PIBF1: variants seen among roughly 807,000 people sequenced by gnomAD.
PIBF1 encodes progesterone immunomodulatory binding factor 1, also known as progesterone-induced-blocking factor 1.
PIBF1 carries 90 observed loss-of-function variants against 112.5 expected under a neutral mutation model. The observed-to-expected ratio is 0.80, with a 90% CI of 0.67 to 0.95. The LOEUF (loss-of-function observed/expected upper bound fraction) is 0.95, where lower values mean the gene tolerates loss of function less well. Ranked by LOEUF, PIBF1 falls within the 40% of genes least tolerant of loss-of-function variation. The pLI is 0.00. For synonymous variants in PIBF1, 301 were observed against 288.6 expected, an observed-to-expected ratio of 1.04 and a Z score of -0.44; for missense variants, 915 against 852.3, an observed-to-expected ratio of 1.07 and a Z score of -0.92.
intron 14 of PIBF1, among the ~76,000 whole-genome samples, chr13:72,950,102 T>A (rs775193640): frequency 4.9e-4 from 74 of 152,224 alleles, no homozygotes; most frequent in Non-Finnish European, 1.0e-3. Flanking sequence ...TATCCCCATA[T>A]TTTTGTCCTG....
At chr13:72,947,736 G>A (rs933346730) in intron 14 of PIBF1, among the ~76,000 whole-genome samples, 2 of 152,034 alleles carry the variant, frequency 1.3e-5, no homozygotes, top group African/African-American at 2.4e-5. Context: ...CCATCATTGG[G>A]TATATACCCA....
intron 17 of PIBF1, among the ~76,000 whole-genome samples, chr13:73,014,573 A>T (rs2139071120): frequency 6.6e-6 from 1 of 152,332 alleles, no homozygotes; most frequent in Non-Finnish European, 1.5e-5. Context: ...ACCTAGGGTG[A>T]TAATATGTCA....
At chr13:72,985,664 T>G (rs2043265841) in intron 16 of PIBF1, among the ~76,000 whole-genome samples, 1 of 152,218 alleles carries the variant, frequency 6.6e-6, no homozygotes. Flanking sequence ...GTTGTAAACT[T>G]AAGTCACTGA....
At chr13:73,014,295 A>G (rs145586083) in intron 17 of PIBF1, among the ~76,000 whole-genome samples, 9 of 152,268 alleles carry the variant, frequency 5.9e-5, no homozygotes, top group African/African-American at 2.2e-4. Flanking sequence ...TTCATTAGAT[A>G]GAAGCAGAGA....
At chr13:72,853,989 C>A in intron 9 of PIBF1, 68 bp from the exon 10 acceptor site, 1 of 1,168,220 alleles carries the variant, frequency 8.6e-7, no homozygotes, top group Non-Finnish European at 1.3e-6. Flanking sequence ...GTCAGATAGT[C>A]CATCTTTAAG....
chr13:72,903,845 T>G (rs1471499833), intron 11 of PIBF1, among the ~76,000 whole-genome samples: 8 of 152,186 alleles, frequency 5.3e-5, no homozygotes, highest in Non-Finnish European at 8.8e-5. Flanking sequence ...GACCTAAGAT[T>G]TGAACCCAGT....
intron 10 of PIBF1, among the ~76,000 whole-genome samples, chr13:72,868,633 G>A (rs1313031507): frequency 1.3e-5 from 2 of 152,054 alleles, no homozygotes; most frequent in African/African-American, 4.8e-5. Context: ...AAGTAAGTCA[G>A]CAGATACTTC....
chr13:72,967,913 C>T (rs977946059), intron 15 of PIBF1, among the ~76,000 whole-genome samples: 3 of 152,068 alleles, frequency 2.0e-5, no homozygotes, highest in Non-Finnish European at 2.9e-5. Flanking sequence ...TGGCTGGGCA[C>T]GGTAGCTCAA....
chr13:72,829,987 T>C (rs1443671470), intron 8 of PIBF1, among the ~76,000 whole-genome samples: 2 of 152,190 alleles, frequency 1.3e-5, no homozygotes, highest in Non-Finnish European at 2.9e-5. Context: ...CTTGAAGAGG[T>C]CCTTCACATC....
At chr13:72,951,184 C>G (rs532589598) in intron 14 of PIBF1, among the ~76,000 whole-genome samples, 20 of 152,234 alleles carry the variant, frequency 1.3e-4, no homozygotes, top group African/African-American at 4.8e-4. Context: ...CTTTAATACA[C>G]CTTATTTATC....
At chr13:72,847,754 G>A (rs149665370) in intron 9 of PIBF1, among the ~76,000 whole-genome samples, 11 of 152,230 alleles carry the variant, frequency 7.2e-5, no homozygotes, top group African/African-American at 2.6e-4. Context: ...TTTATGTCCT[G>A]CTCATTAACT....
intron 15 of PIBF1, chr13:72,969,710 A>G (rs2042840148): frequency 6.6e-6 from 1 of 152,204 alleles, no homozygotes; most frequent in African/African-American, 2.4e-5. Flanking sequence ...GAGTGGAATT[A>G]TCCTGGGCTT....
intron 15 of PIBF1, among the ~76,000 whole-genome samples, chr13:72,968,051 G>C (rs2138922321): frequency 6.6e-6 from 1 of 151,730 alleles, no homozygotes; most frequent in African/African-American, 2.4e-5. Context: ...GGGCGTAGTG[G>C]CGGGCGCCTG....
At chr13:72,977,744 C>T (rs1188533201) in intron 16 of PIBF1, among the ~76,000 whole-genome samples, 1 of 152,058 alleles carries the variant, frequency 6.6e-6, no homozygotes, top group Non-Finnish European at 1.5e-5. Context: ...TATCTTCTCT[C>T]ATGTTAAGAG....
intron 14 of PIBF1, among the ~76,000 whole-genome samples, chr13:72,938,507 G>A (rs1290793303): frequency 6.6e-6 from 1 of 152,038 alleles, no homozygotes; most frequent in African/African-American, 2.4e-5. Flanking sequence ...TGTTTTCAGG[G>A]TTCGTATTTT....
At chr13:72,924,368 G>A (rs145694249) in intron 13 of PIBF1, among the ~76,000 whole-genome samples, 91 of 151,802 alleles carry the variant, frequency 6.0e-4, no homozygotes, top group African/African-American at 2.0e-3. Context: ...CTGCAACTTC[G>A]GAGTATGGTT....
chr13:72,858,886 AG>A lies in PIBF1; in HGVS notation c.1322+4733del, dbSNP rs1207484815. Among the ~76,000 whole-genome samples the A allele has an allele frequency of 3.3e-5, 5 of 152,326 alleles. No individual in the cohort carries two copies. In the East Asian group the frequency reaches 9.6e-4, roughly 29 times the overall value. On this transcript the variant is annotated intron_variant, in intron 10 of 17. Transcript: ENST00000326291. Reference sequence around the variant, plus strand: ...CATCTTGTTTTCATAAAAGGGAAGAAGGTAGTAGATTCTTGCAACTATTAAG... The same window carrying A: ...CATCTTGTTTTCATAAAAGGGAAGAAGTAGTAGATTCTTGCAACTATTAAG...
chr13:72,989,400 AAAGG>A (rs67423729), intron 16 of PIBF1, among the ~76,000 whole-genome samples: 44,517 of 151,952 alleles, frequency 0.29, 7,916 homozygotes, highest in South Asian at 0.5. Context: ...TTTTGCCATG[AAAGG>A]AAGGAAGTAC....
chr13:72,915,031 AC>A (rs1223213292), intron 12 of PIBF1, among the ~76,000 whole-genome samples: 1 of 152,232 alleles, frequency 6.6e-6, no homozygotes, highest in Non-Finnish European at 1.5e-5. Context: ...AAAAAATAAT[AC>A]ATTTTTAAAA....
Sources: allele counts gnomAD v4.1 joint callset (sites outside exome capture counted in the v4.1 genomes callset), GRCh38; gene constraint gnomAD v4.1.1; transcripts MANE v1.5; gene names NCBI Gene and HGNC (gene_info 2026-07-23, HGNC 2026-07-21).